PCDHGA7: variants seen among roughly 807,000 people sequenced by gnomAD.
PCDHGA7 encodes the protein protocadherin gamma-A7.
In PCDHGA7, 44 loss-of-function variants were observed where a neutral mutation model predicts 58.3. That is an observed-to-expected ratio of 0.75 (90% CI 0.59 to 0.97). The LOEUF (loss-of-function observed/expected upper bound fraction) is 0.97, where lower values mean the gene tolerates loss of function less well. Ranked by LOEUF, PCDHGA7 falls within the 50% of genes least tolerant of loss-of-function variation. The probability of loss-of-function intolerance (pLI) is 0.00; values close to 1 mark genes in which losing one functional copy is unlikely to be tolerated. For missense variants in PCDHGA7, 1,266 were observed against 1,188.7 expected (o/e 1.06, Z -0.96); for synonymous variants, 516 against 504.2 (o/e 1.02, Z -0.31).
In PCDHGA7 at chr5:141,478,182, A is replaced by T. The variant is rs777228133; in HGVS notation, c.2425-16625A>T. The T allele has an allele frequency of 5.0e-6, 8 of 1,613,866 alleles. No individual in the cohort carries two copies. In the South Asian group the frequency reaches 8.8e-5, roughly 18 times the overall value. ...TCTGCCCCCCGGGAGCAGAAAAAAA[A>T]TCTCACCTTTTATCTACTTCTTTCT... is the stretch of plus-strand genomic sequence containing the variant. On this transcript the variant is annotated intron_variant, in intron 1 of 3. Transcript: ENST00000518325.
chr5:141,387,144 G>C (rs2090840258), intron 1 of PCDHGA7, among the ~76,000 whole-genome samples: 1 of 152,168 alleles, frequency 6.6e-6, no homozygotes, highest in Admixed American at 6.5e-5. Context: ...ATTGGGAAGG[G>C]GGTGTATTTG....
chr5:141,438,955 C>T (rs965336489), intron 1 of PCDHGA7, among the ~76,000 whole-genome samples: 3 of 151,926 alleles, frequency 2.0e-5, no homozygotes, highest in Non-Finnish European at 4.4e-5. Flanking sequence ...CATGAGCCAC[C>T]GCACCCTGCC....
At chr5:141,494,524 C>T (rs2099754936) in intron 1 of PCDHGA7, among the ~76,000 whole-genome samples, 1 of 152,156 alleles carries the variant, frequency 6.6e-6, no homozygotes, top group African/African-American at 2.4e-5. Flanking sequence ...GGAGTTCTGA[C>T]TCTGGGGGCA....
intron 1 of PCDHGA7, among the ~76,000 whole-genome samples, chr5:141,430,383 G>GA (rs139772145): frequency 0.061 from 8,436 of 138,452 alleles, 243 homozygotes; most frequent in South Asian, 0.089. Context: ...AGCTCATTGG[G>GA]AAAAAAAAAA....
chr5:141,413,122 G>A, intron 1 of PCDHGA7: 1 of 1,525,890 alleles, frequency 6.6e-7, no homozygotes. Flanking sequence ...GGAACCGGTT[G>A]AAACACACAA....
intron 1 of PCDHGA7, among the ~76,000 whole-genome samples, chr5:141,472,245 T>A (rs1217786736): frequency 6.6e-6 from 1 of 152,144 alleles, no homozygotes; most frequent in East Asian, 1.9e-4. Context: ...ACTTTCTATT[T>A]TAAAGTTATA....
Position 141,491,536 on chromosome 5 carries a change from C to T in PCDHGA7, c.2425-3271C>T, listed in dbSNP as rs746800813. 1.2e-6 allele frequency: 2 copies of T among 1,614,006 alleles called. No individual in the cohort carries two copies. Among genetic ancestry groups the T allele is most frequent in the Admixed American group, 3.3e-5 (2 of 60,030 alleles). On this transcript the variant is annotated intron_variant, in intron 1 of 3. Coordinates refer to ENST00000518325, the MANE Select transcript of PCDHGA7 (RefSeq NM_018920.4). This position sits in a 1 kb window ranked among gnomAD's most constrained non-coding sequence, Gnocchi z 6.9. ...CAAGTACATGGAGGTGACGCTGCGG[C>T]CCACAGACTCGCAGAGCCACTGCTA...
Position 141,489,690 on chromosome 5 carries a change from A to T in PCDHGA7, c.2425-5117A>T. The T allele has an allele frequency of 6.2e-7, 1 of 1,614,198 alleles. No individual in the cohort carries two copies. The highest frequency in any genetic ancestry group is 8.5e-7 in the Non-Finnish European group (1 of 1,180,024). ...TCTCAGAATCAGCAGCATCTGGGGC[A>T]CGATTCCCACTGGACAGTGCCCAGG... On this transcript the variant is annotated intron_variant, in intron 1 of 3. Coordinates refer to ENST00000518325, the MANE Select transcript of PCDHGA7 (RefSeq NM_018920.4). The surrounding 1 kb of genome is among the most constrained non-coding windows in gnomAD (Gnocchi z 4.5).
At chr5:141,505,935 C>T (rs2099849264) in intron 3 of PCDHGA7, among the ~76,000 whole-genome samples, 1 of 152,146 alleles carries the variant, frequency 6.6e-6, no homozygotes, top group African/African-American at 2.4e-5. Flanking sequence ...CGCTTGGAAG[C>T]CCTCAAGCAA....
intron 1 of PCDHGA7, among the ~76,000 whole-genome samples, chr5:141,387,440 A>T (rs2090946110): frequency 6.6e-6 from 1 of 152,240 alleles, no homozygotes; most frequent in East Asian, 1.9e-4. Context: ...TATGTACTTA[A>T]TCTACATGAT....
Position 141,398,900 on chromosome 5 carries a change from G to A in PCDHGA7, c.2424+13577G>A, listed in dbSNP as rs765284630. Reference sequence around the variant, plus strand: ...AGCCTTCGGGAAAACGTGCCACCAGGCACCACTGTGTTGCAAGTGTCAGCC... The same window carrying A: ...AGCCTTCGGGAAAACGTGCCACCAGACACCACTGTGTTGCAAGTGTCAGCC... On this transcript the variant is annotated intron_variant, in intron 1 of 3. Coordinates refer to ENST00000518325, the MANE Select transcript of PCDHGA7 (RefSeq NM_018920.4). The A allele has an allele frequency of 3.1e-6, 5 of 1,613,846 alleles. No individual in the cohort carries two copies. In the East Asian group the frequency reaches 6.7e-5, roughly 22 times the overall value.
Position 141,384,797 on chromosome 5 carries a change from T to C in PCDHGA7, c.1898T>C (p.Leu633Pro), listed in dbSNP as rs766396351. The C allele has an allele frequency of 8.1e-6, 13 of 1,613,368 alleles. No homozygotes were observed. The highest frequency in any genetic ancestry group is 1.1e-5 in the Non-Finnish European group (13 of 1,179,908). The change falls in exon 1 of 4, where the codon CTG becomes CCG. Residue 633 changes from leucine to proline, a missense_variant. Physicochemically the swap from Leu to Pro is moderately conservative, Grantham distance 98 (BLOSUM62 -3). Coordinates refer to ENST00000518325, the MANE Select transcript of PCDHGA7 (RefSeq NM_018920.4). The stretch of plus-strand genomic sequence containing the variant: ...GAGGTGCGCACGGCTCGGGCCCTGC[T>C]GGACAGAGATGCCCTCAAGCAGAGC... ...TGEVRTARAL[L>P]DRDALKQSLV...
intron 1 of PCDHGA7, chr5:141,415,504 C>G (rs1444248720): frequency 1.2e-6 from 2 of 1,614,216 alleles, no homozygotes; most frequent in South Asian, 2.2e-5. Flanking sequence ...CTTCCCCCAG[C>G]CCAATTATGC....
Position 141,431,687 on chromosome 5 carries a change from G to A in PCDHGA7, c.2424+46364G>A. On this transcript the variant is annotated intron_variant, in intron 1 of 3. Transcript: ENST00000518325. This position sits in a 1 kb window ranked among gnomAD's most constrained non-coding sequence, Gnocchi z 4.8. ...ATCAACAATAGGGGAGTTGGACCAC[G>A]AGGAGTCAGGATTCTACCAGATGGA... The A allele has an allele frequency of 1.9e-6, 3 of 1,614,214 alleles. No homozygotes were observed. Among genetic ancestry groups the A allele is most frequent in the Middle Eastern group, 1.6e-4 (1 of 6,062 alleles).
At chr5:141,442,029 A>C in intron 1 of PCDHGA7, 1 of 210,292 alleles carries the variant, frequency 4.8e-6, no homozygotes, top group Non-Finnish European at 9.8e-6. Context: ...CAGGAAAGCG[A>C]CTCGCCAGCG....
In PCDHGA7 at chr5:141,432,931, G is replaced by A. The variant is rs2097550450; in HGVS notation, c.2424+47608G>A. The A allele has an allele frequency of 6.2e-7, 1 of 1,614,198 alleles. No individual in the cohort carries two copies. The highest frequency in any genetic ancestry group is 2.2e-5 in the East Asian group (1 of 44,864). Reference sequence around the variant, plus strand: ...TGCGGCGCTGGCACAAGTCACGCCTGCTGCAGGCTTCAGGAGGCGGCTTGA... The same window carrying A: ...TGCGGCGCTGGCACAAGTCACGCCTACTGCAGGCTTCAGGAGGCGGCTTGA... On this transcript the variant is annotated intron_variant, in intron 1 of 3. Transcript: ENST00000518325. The surrounding 1 kb of genome is among the most constrained non-coding windows in gnomAD (Gnocchi z 6.0).
intron 1 of PCDHGA7, among the ~76,000 whole-genome samples, chr5:141,438,615 T>C (rs566173071): frequency 5.6e-5 from 2 of 35,920 alleles, no homozygotes; most frequent in Admixed American, 4.1e-4. Flanking sequence ...TATATATATA[T>C]ATATATATAT....
In PCDHGA7 at chr5:141,383,941, A is replaced by G. The variant is rs754217444; in HGVS notation, c.1042A>G (p.Thr348Ala). The change falls in exon 1 of 4, where the codon ACT becomes GCT. Residue 348 changes from threonine to alanine, a missense_variant. Thr to Ala is a moderately conservative substitution (Grantham distance 58). Coordinates refer to ENST00000518325, the MANE Select transcript of PCDHGA7 (RefSeq NM_018920.4). ...TGTAAATGATAATGCTCCAGAAGTG[A>G]CTATGACGTCTTTAAGTAGCTCAAT... ...LDVNDNAPEVTMTSLSSSIPE... is the reference protein window; with the variant it reads ...LDVNDNAPEVAMTSLSSSIPE... The G allele has an allele frequency of 6.2e-7, 1 of 1,613,742 alleles. No individual in the cohort carries two copies. The highest frequency in any genetic ancestry group is 1.3e-5 in the African/African-American group (1 of 74,922).
At chr5:141,425,717 C>G (rs1207360676) in intron 1 of PCDHGA7, among the ~76,000 whole-genome samples, 1 of 152,188 alleles carries the variant, frequency 6.6e-6, no homozygotes, top group African/African-American at 2.4e-5. Context: ...TTTTCCCATA[C>G]CACTTGATGG....
Sources: gnomAD v4.1 joint callset for allele counts (sites outside exome capture counted in the v4.1 genomes callset) on GRCh38, gnomAD v4.1.1 for gene constraint, Gnocchi (gnomAD v3.1) non-coding constraint, MANE v1.5 for transcripts, NCBI Gene and HGNC (gene_info 2026-07-23, HGNC 2026-07-21) for gene names.